RIN3: variants seen among roughly 807,000 people sequenced by gnomAD.
RIN3 encodes RAB5 interacting protein 3.
A neutral mutation model predicts 76.3 loss-of-function variants in RIN3; 54 were observed. The observed-to-expected ratio is 0.71, with a 90% CI of 0.57 to 0.89. RIN3 has a LOEUF of 0.89. Among genes scored for constraint, RIN3 ranks in the 40% least tolerant of loss-of-function variants. The pLI, the probability that RIN3 is intolerant of heterozygous loss-of-function variation, is 0.00. For missense variants in RIN3, 1,256 were observed against 1,322.1 expected, an observed-to-expected ratio of 0.95 and a Z score of 0.78; for synonymous variants, 576 against 564.0, an observed-to-expected ratio of 1.02 and a Z score of -0.30.
chr14:92,547,947 G>C (rs1415174771), intron 1 of RIN3, among the ~76,000 whole-genome samples: 1 of 152,038 alleles, frequency 6.6e-6, no homozygotes, highest in Non-Finnish European at 1.5e-5. Flanking sequence ...CAGGTGATCT[G>C]CCCGCCTTGG....
intron 3 of RIN3, among the ~76,000 whole-genome samples, chr14:92,604,872 G>A (rs1885468353): frequency 7.6e-6 from 1 of 130,884 alleles, no homozygotes; most frequent in African/African-American, 3.0e-5. Flanking sequence ...TTACCCTTCT[G>A]TTGAGGCTTC....
intron 7 of RIN3, among the ~76,000 whole-genome samples, chr14:92,667,178 AG>A (rs1401380841): frequency 1.3e-5 from 2 of 152,154 alleles, no homozygotes; most frequent in Non-Finnish European, 2.9e-5. Context: ...GAGGACAGGG[AG>A]GGAGGTCAGG....
intron 4 of RIN3, among the ~76,000 whole-genome samples, chr14:92,627,493 C>T (rs185005751): frequency 1.1e-4 from 16 of 152,338 alleles, no homozygotes; most frequent in East Asian, 5.8e-4. Flanking sequence ...CAAGCAGCAC[C>T]GCAAGCAGTG....
chr14:92,565,119 C>T (rs1897884226), intron 2 of RIN3, among the ~76,000 whole-genome samples: 1 of 152,214 alleles, frequency 6.6e-6, no homozygotes, highest in Non-Finnish European at 1.5e-5. Context: ...CTCATCTGCT[C>T]TGCCTGGCTT....
Position 92,643,534 on chromosome 14 carries a change from G to A in RIN3, c.532+2205G>A, listed in dbSNP as rs1887090617. On this transcript the variant is annotated intron_variant, in intron 5 of 9. Coordinates refer to ENST00000216487, the MANE Select transcript of RIN3 (RefSeq NM_024832.5). The surrounding 1 kb of genome is among the most constrained non-coding windows in gnomAD (Gnocchi z 4.8). ...GGGACAGGTGACAGTTTTGTAATTT[G>A]CACTTTTGTAAGGTGCAGATGACCT... Among the ~76,000 whole-genome samples the A allele has an allele frequency of 6.6e-6, 1 of 152,182 alleles. No individual in the cohort carries two copies. The highest frequency in any genetic ancestry group is 2.4e-5 in the African/African-American group (1 of 41,442).
chr14:92,584,006 T>C (rs1345659435), intron 3 of RIN3, among the ~76,000 whole-genome samples: 1 of 152,196 alleles, frequency 6.6e-6, no homozygotes, highest in East Asian at 1.9e-4. Flanking sequence ...GCTTACCCCC[T>C]GCTGTGCGCC....
chr14:92,641,178 G>T, intron 4 of RIN3, 60 bp from the exon 5 acceptor site: 1 of 1,310,098 alleles, frequency 7.6e-7, no homozygotes. Context: ...CTTCCTTTGT[G>T]GAGGCTGGGA....
Position 92,681,349 on chromosome 14 carries a change from CAGT to C in RIN3, c.2468-3635_2468-3633del, listed in dbSNP as rs1363293014. Among the ~76,000 whole-genome samples, 5 of 152,148 alleles carry C rather than the reference CAGT, an allele frequency of 3.3e-5. No individual in the cohort carries two copies. The highest frequency in any genetic ancestry group is 7.3e-5 in the Non-Finnish European group (5 of 68,036). ...TCAGACTCCAGCACCAAGAGTGCAG[CAGT>C]AGGGCGTGGCTGCTCCCCTTTCACC... On this transcript the variant is annotated intron_variant, in intron 8 of 9. Coordinates refer to ENST00000216487, the MANE Select transcript of RIN3 (RefSeq NM_024832.5). This position sits in a 1 kb window ranked among gnomAD's most constrained non-coding sequence, Gnocchi z 4.7.
Position 92,688,180 on chromosome 14 carries a change from C to G in RIN3, c.2886C>G (p.Pro962=), listed in dbSNP as rs777668681. 1.3e-6 allele frequency: 2 copies of G among 1,582,282 alleles called. No individual in the cohort carries two copies. Among genetic ancestry groups the G allele is most frequent in the Non-Finnish European group, 1.7e-6 (2 of 1,170,154 alleles). Reference sequence around the variant, plus strand: ...GCGACTTCCACTTTGTCTACCGGCCCCTGGACGGTGGTGGCGGCGGCGGCG... The same window carrying G: ...GCGACTTCCACTTTGTCTACCGGCCGCTGGACGGTGGTGGCGGCGGCGGCG... ...PKRDFHFVYR[P]LDGGGGGGGG... Residue 962 remains proline (P), a synonymous_variant, in exon 10 of 10, where the codon CCC becomes CCG. Coordinates refer to ENST00000216487, the MANE Select transcript of RIN3 (RefSeq NM_024832.5).
chr14:92,652,182 C>T lies in RIN3; in HGVS notation c.1133C>T (p.Ala378Val), dbSNP rs868473834. The T allele has an allele frequency of 1.9e-5, 30 of 1,603,646 alleles. No homozygotes were observed. Among genetic ancestry groups the T allele is most frequent in the African/African-American group, 1.1e-4 (8 of 74,742 alleles). The stretch of plus-strand genomic sequence containing the variant: ...CAGGTCCCCGCCCCGCCACTGCCTG[C>T]GAAGAAGAACCTTCCCACTGCCCCT... ...LQQVPAPPLP[A>V]KKNLPTAPPR... Residue 378 changes from alanine to valine, a missense_variant, in exon 6 of 10, where the codon GCG (alanine) becomes GTG (valine). Ala to Val is a moderately conservative substitution (Grantham distance 64). Coordinates refer to ENST00000216487, the MANE Select transcript of RIN3 (RefSeq NM_024832.5). The surrounding 1 kb of genome is among the most constrained non-coding windows in gnomAD (Gnocchi z 6.4).
chr14:92,610,052 AT>A (rs1885673774), intron 3 of RIN3, among the ~76,000 whole-genome samples: 1 of 152,190 alleles, frequency 6.6e-6, no homozygotes, highest in African/African-American at 2.4e-5. Flanking sequence ...TAAGTATTAA[AT>A]ATCATACAAT....
intron 1 of RIN3, among the ~76,000 whole-genome samples, chr14:92,531,799 G>T (rs931078602): frequency 6.6e-6 from 1 of 152,162 alleles, no homozygotes; most frequent in Non-Finnish European, 1.5e-5. Flanking sequence ...CCTGCAGTGC[G>T]TTCTGACCTC....
chr14:92,579,955 G>A (rs531301009), intron 3 of RIN3, among the ~76,000 whole-genome samples: 1 of 152,374 alleles, frequency 6.6e-6, no homozygotes, highest in East Asian at 1.9e-4. Context: ...CTGAAGGTGA[G>A]TATATTAGTT....
At chr14:92,535,948 A>G (rs1378858791) in intron 1 of RIN3, among the ~76,000 whole-genome samples, 1 of 151,602 alleles carries the variant, frequency 6.6e-6, no homozygotes, top group Non-Finnish European at 1.5e-5. Flanking sequence ...TTTTTCCCTC[A>G]GTTGGATACC....
At chr14:92,546,491 A>G (rs2140023089) in intron 1 of RIN3, among the ~76,000 whole-genome samples, 1 of 152,232 alleles carries the variant, frequency 6.6e-6, no homozygotes, top group African/African-American at 2.4e-5. Flanking sequence ...TCCAGGGTGG[A>G]CTGAGTCACA....
chr14:92,678,407 C>T (rs542560576), intron 8 of RIN3, among the ~76,000 whole-genome samples: 51 of 149,282 alleles, frequency 3.4e-4, no homozygotes, highest in Non-Finnish European at 2.7e-4. Flanking sequence ...TCCACATATT[C>T]GCCCACCCTC....
intron 3 of RIN3, among the ~76,000 whole-genome samples, chr14:92,579,198 G>A (rs1244952086): frequency 6.6e-6 from 1 of 152,212 alleles, no homozygotes; most frequent in East Asian, 1.9e-4. Flanking sequence ...TAAGTGCTGG[G>A]ATTACAGGCG....
In RIN3 at chr14:92,528,592, C is replaced by T. The variant is rs900934620; in HGVS notation, c.44+14616C>T. Among the ~76,000 whole-genome samples the T allele has an allele frequency of 1.8e-4, 28 of 152,148 alleles. 1 individual carries two copies. Among genetic ancestry groups the T allele is most frequent in the Admixed American group, 1.5e-3 (23 of 15,290 alleles). The stretch of plus-strand genomic sequence containing the variant: ...TCTTGTGACCCCGTGGGGGTGTGGA[C>T]GGCATGATCATCTGGGAAATGGGGG... On this transcript the variant is annotated intron_variant, in intron 1 of 9. Transcript: ENST00000216487.
intron 2 of RIN3, among the ~76,000 whole-genome samples, chr14:92,561,104 C>CATATTTATAT (rs1371845851): frequency 1.7e-5 from 2 of 114,540 alleles, no homozygotes; most frequent in African/African-American, 6.4e-5. Flanking sequence ...ATATATATGC[C>CATATTTATAT]ATATTTATAT....
Sources: allele counts gnomAD v4.1 joint callset (sites outside exome capture counted in the v4.1 genomes callset), GRCh38; gene constraint gnomAD v4.1.1; non-coding constraint Gnocchi (gnomAD v3.1); transcripts MANE v1.5; gene names NCBI Gene and HGNC (gene_info 2026-07-23, HGNC 2026-07-21).